RXFP1: variants seen among roughly 807,000 people sequenced by gnomAD.
The protein encoded by RXFP1 is relaxin family peptide receptor 1, also known as relaxin receptor 1.
A neutral mutation model predicts 89.8 loss-of-function variants in RXFP1; 73 were observed. The observed-to-expected ratio is 0.81, with a 90% CI of 0.67 to 0.99. RXFP1 has a LOEUF of 0.99. Among genes scored for constraint, RXFP1 ranks in the 50% least tolerant of loss-of-function variants. RXFP1 has a pLI of 0.00. For synonymous variants in RXFP1, 277 were observed against 305.5 expected (o/e 0.91, Z 0.97); for missense variants, 793 against 895.5 (o/e 0.89, Z 1.46).
At chr4:158,533,407 A>G (rs1315883312) in intron 1 of RXFP1, among the ~76,000 whole-genome samples, 2 of 152,240 alleles carry the variant, frequency 1.3e-5, no homozygotes. Flanking sequence ...ATCAGTAATT[A>G]TAAACACAAA....
chr4:158,571,928 C>T (rs1200923351), intron 1 of RXFP1, among the ~76,000 whole-genome samples: 1 of 152,162 alleles, frequency 6.6e-6, no homozygotes. Flanking sequence ...CAGGTAAAGC[C>T]ATGTGTGCAG....
chr4:158,626,121 T>TAGATAGATAGAC (rs1403689551), intron 9 of RXFP1, among the ~76,000 whole-genome samples: 12 of 103,594 alleles, frequency 1.2e-4, no homozygotes, highest in African/African-American at 4.4e-4. Flanking sequence ...TATAGATAGA[T>TAGATAGATAGAC]AGATAGATAG....
rs33995741 is a variant in RXFP1 at position 158,592,925 on chromosome 4, T to TA, written c.188-463dup. Among the ~76,000 whole-genome samples the TA allele has an allele frequency of 5.7e-3, 822 of 144,050 alleles. 6 individuals are homozygous for TA. Among genetic ancestry groups the TA allele is most frequent in the Admixed American group, 8.9e-3 (130 of 14,530 alleles). The allele number at this position is 144,050 out of a possible 152,430, so 94.5% of individuals were successfully genotyped here. A position where few individuals can be genotyped will look rare whatever the true frequency, so the allele number is the denominator to read the frequency against. ...CAACATAGTGAAACCCCATCTCTAC[T>TA]AAAAAAAAAAAAATTAACCAGATGT... On this transcript the variant is annotated intron_variant, in intron 2 of 17. Transcript: ENST00000307765.
Position 158,651,861 on chromosome 4 carries a change from C to T in RXFP1, c.2080C>T (p.Arg694Trp), listed in dbSNP as rs1264413184. ...AAGACCATTTAAAGAAATGATTCAT[C>T]GGTTTTGGTATAACTACAGACAAAG... is the stretch of plus-strand genomic sequence containing the variant. ...TTRPFKEMIH[R>W]FWYNYRQRKS... The change falls in exon 18 of 18, where the codon CGG becomes TGG. Residue 694 changes from arginine (R) to tryptophan (W), a missense_variant. Transcript: ENST00000307765. 5.0e-6 allele frequency: 8 copies of T among 1,614,046 alleles called. No homozygotes were observed. Among genetic ancestry groups the T allele is most frequent in the Admixed American group, 1.7e-5 (1 of 60,012 alleles).
At chr4:158,628,245 T>G (rs1470436803) in intron 10 of RXFP1, among the ~76,000 whole-genome samples, 1 of 152,132 alleles carries the variant, frequency 6.6e-6, no homozygotes, top group Non-Finnish European at 1.5e-5. Flanking sequence ...TCACATCAAG[T>G]AACAAATGAG....
chr4:158,540,162 A>C (rs1746256169), intron 1 of RXFP1, among the ~76,000 whole-genome samples: 1 of 150,970 alleles, frequency 6.6e-6, no homozygotes, highest in Non-Finnish European at 1.5e-5. Context: ...CATAAAGTGA[A>C]AGCAAGTTTA....
At chr4:158,617,065 C>A in intron 8 of RXFP1, 66 bp from the exon 9 acceptor site, 1 of 1,030,330 alleles carries the variant, frequency 9.7e-7, no homozygotes. Flanking sequence ...AATAATAATA[C>A]CATGTTTGAC....
rs115296928 is a variant in RXFP1 at position 158,650,236 on chromosome 4, A to G, written c.1975+1519A>G. ...TTTTCTAGGGGTTGGGGGAAGGGAG[A>G]ATGGAGAGTGTTTAATAGGCATAGA... On this transcript the variant is annotated intron_variant, in intron 17 of 17. Coordinates refer to ENST00000307765, the MANE Select transcript of RXFP1 (RefSeq NM_021634.4). 3.1e-3 allele frequency among the ~76,000 whole-genome samples: 475 copies of G among 151,538 alleles called. 1 individual carries two copies. The highest frequency in any genetic ancestry group is 0.011 in the African/African-American group (457 of 41,320).
chr4:158,612,204 A>C lies in RXFP1; in HGVS notation c.608+3A>C. The C allele has an allele frequency of 6.2e-7, 1 of 1,610,274 alleles. No homozygotes were observed. Among genetic ancestry groups the C allele is most frequent in the Non-Finnish European group, 8.5e-7 (1 of 1,178,238 alleles). On this transcript the variant is annotated splice_donor_region_variant and intron_variant, in intron 7 of 17. Transcript: ENST00000307765. Reference sequence around the variant, plus strand: ...GATCTTCACAGACTAGAATGGCTGTATGTTTAATTTATGTGGCATTTTATT... The same window carrying C: ...GATCTTCACAGACTAGAATGGCTGTCTGTTTAATTTATGTGGCATTTTATT...
chr4:158,539,108 G>A (rs1342243385), intron 1 of RXFP1, among the ~76,000 whole-genome samples: 1 of 152,202 alleles, frequency 6.6e-6, no homozygotes, highest in Non-Finnish European at 1.5e-5. Context: ...GCATTACACT[G>A]AGATGGCATC....
At chr4:158,626,111 T>TAGATAGATAGATAGATG (rs1766658287) in intron 9 of RXFP1, among the ~76,000 whole-genome samples, 7 of 136,594 alleles carry the variant, frequency 5.1e-5, no homozygotes, top group African/African-American at 2.1e-4. Flanking sequence ...TAGATATCTA[T>TAGATAGATAGATAGATG]ATAGATAGAT....
intron 1 of RXFP1, among the ~76,000 whole-genome samples, chr4:158,550,565 G>T (rs1486881025): frequency 6.6e-6 from 1 of 152,186 alleles, no homozygotes; most frequent in African/African-American, 2.4e-5. Context: ...CTGTAGACCG[G>T]AGCTGTTCCT....
intron 2 of RXFP1, among the ~76,000 whole-genome samples, chr4:158,584,444 AAAAG>A (rs2150039050): frequency 6.6e-6 from 1 of 152,266 alleles, no homozygotes; most frequent in Admixed American, 6.5e-5. Context: ...CAAAAAAAAA[AAAAG>A]AAAGGCTCCA....
intron 1 of RXFP1, among the ~76,000 whole-genome samples, chr4:158,570,586 C>A (rs1330109197): frequency 6.6e-6 from 1 of 152,038 alleles, no homozygotes. Context: ...TCCACTGGCG[C>A]CATTCTAGAC....
At chr4:158,550,760 C>T (rs1330616219) in intron 1 of RXFP1, among the ~76,000 whole-genome samples, 2 of 152,184 alleles carry the variant, frequency 1.3e-5, no homozygotes, top group East Asian at 3.8e-4. Context: ...GTTAAGAACA[C>T]GTGTTCTGGA....
chr4:158,584,468 A>C (rs1244670826), intron 2 of RXFP1, among the ~76,000 whole-genome samples: 2 of 152,180 alleles, frequency 1.3e-5, no homozygotes, highest in Non-Finnish European at 2.9e-5. Flanking sequence ...ACTTTGCATA[A>C]ATACAAGCCT....
At chr4:158,589,867 A>G (rs1251041935) in intron 2 of RXFP1, among the ~76,000 whole-genome samples, 1 of 152,108 alleles carries the variant, frequency 6.6e-6, no homozygotes, top group Non-Finnish European at 1.5e-5. Flanking sequence ...AGCCTTAGCA[A>G]CACAGAGAGA....
Position 158,617,154 on chromosome 4 carries a change from C to A in RXFP1, c.704C>A (p.Thr235Asn). ...AGAGTCCTGATGAATAACGTCCTCA[C>A]CCGTTTACCTGATAAACCTCTCTGT... Reference protein sequence around the residue: ...ILLVLMNNVLTRLPDKPLCQH... With the variant: ...ILLVLMNNVLNRLPDKPLCQH... Residue 235 changes from threonine (T) to asparagine (N), a missense_variant, in exon 9 of 18, where the codon ACC becomes AAC. Transcript: ENST00000307765. The A allele has an allele frequency of 1.2e-6, 2 of 1,609,538 alleles. No homozygotes were observed. The highest frequency in any genetic ancestry group is 1.7e-6 in the Non-Finnish European group (2 of 1,177,512).
chr4:158,575,267 A>G (rs1052778392), intron 2 of RXFP1, among the ~76,000 whole-genome samples: 3 of 152,226 alleles, frequency 2.0e-5, no homozygotes, highest in Non-Finnish European at 4.4e-5. Context: ...GCAATAGGGC[A>G]TTGGGGTTTC....
Sources: allele counts gnomAD v4.1 joint callset (sites outside exome capture counted in the v4.1 genomes callset), GRCh38; gene constraint gnomAD v4.1.1; transcripts MANE v1.5; gene names NCBI Gene and HGNC (gene_info 2026-07-23, HGNC 2026-07-21).